The following KCNIP1 variants were observed in gnomAD, a reference collection of about 807,000 sequenced individuals.
The protein encoded by KCNIP1 is A-type potassium channel modulatory protein KCNIP1.
Under a neutral mutation model 33.0 loss-of-function variants are expected in KCNIP1, and 18 were observed. The observed-to-expected ratio is 0.55, with a 90% CI of 0.38 to 0.81. The LOEUF (loss-of-function observed/expected upper bound fraction) is 0.81. KCNIP1 is among the 30% of genes least tolerant of loss of function. KCNIP1 has a pLI of 0.00. For synonymous variants in KCNIP1, 93 were observed against 98.3 expected, an observed-to-expected ratio of 0.95 and a Z score of 0.32; for missense variants, 238 against 271.6, an observed-to-expected ratio of 0.88 and a Z score of 0.87.
At chr5:170,511,941 A>C (rs1441960496) in intron 1 of KCNIP1, among the ~76,000 whole-genome samples, 1 of 152,174 alleles carries the variant, frequency 6.6e-6, no homozygotes, top group Non-Finnish European at 1.5e-5. Flanking sequence ...TCAAGGATAG[A>C]CTGAAGCACC....
chr5:170,671,701 A>C (rs773178554), intron 1 of KCNIP1, among the ~76,000 whole-genome samples: 2 of 152,152 alleles, frequency 1.3e-5, no homozygotes, highest in Non-Finnish European at 2.9e-5. Flanking sequence ...AGCCTGGCTC[A>C]TAATAGATGC....
At chr5:170,707,966 T>C (rs1763316116) in intron 1 of KCNIP1, among the ~76,000 whole-genome samples, 1 of 151,922 alleles carries the variant, frequency 6.6e-6, no homozygotes, top group Non-Finnish European at 1.5e-5. Flanking sequence ...CTGAAAAAAA[T>C]ACGTGGAACA....
At chr5:170,564,129 A>C (rs1757129085) in intron 1 of KCNIP1, among the ~76,000 whole-genome samples, 1 of 152,214 alleles carries the variant, frequency 6.6e-6, no homozygotes, top group Non-Finnish European at 1.5e-5. Flanking sequence ...TCAGAGATGC[A>C]GAAAGAAATC....
rs192292603 is a variant in KCNIP1, at chr5:170,611,388, A to T, written c.61+106755A>T. Among the ~76,000 whole-genome samples the T allele has an allele frequency of 8.5e-5, 13 of 152,304 alleles. No individual in the cohort carries two copies. In the East Asian group the frequency reaches 2.1e-3, roughly 25 times the overall value. On this transcript the variant is annotated intron_variant, in intron 1 of 7. Transcript: ENST00000328939. ...CCCCTGGGCCCCACAGCATCTTCGA[A>T]AGGTGAGGTCAATTCCCATGAAAAG...
chr5:170,379,093 C>A lies in KCNIP1; in HGVS notation c.88+25129C>A, dbSNP rs551029494. 1.1e-4 allele frequency: 132 copies of A among 1,246,366 alleles called. 1 individual carries two copies. In the Middle Eastern group the frequency reaches 1.1e-3, roughly 10 times the overall value. 77.2% of individuals were successfully genotyped at this position (1,246,366 alleles called of 1,614,324 possible). A position where few individuals can be genotyped will look rare whatever the true frequency, so the allele number is the denominator to read the frequency against. On this transcript the variant is annotated intron_variant, in intron 1 of 7. Coordinates refer to the KCNIP1 transcript ENST00000377360. ...TCGGGCCCCTGGATTGGAGTCGGGG[C>A]TTTGGTCTAAAGCTTGGCAGGCCAT...
At chr5:170,421,575 C>T (rs1468260451) in intron 1 of KCNIP1, among the ~76,000 whole-genome samples, 3 of 151,980 alleles carry the variant, frequency 2.0e-5, no homozygotes, top group Non-Finnish European at 2.9e-5. Context: ...GTGTCTTCAC[C>T]GAGGGGTAGG....
chr5:170,434,752 T>C (rs1755821862), intron 1 of KCNIP1, among the ~76,000 whole-genome samples: 1 of 152,092 alleles, frequency 6.6e-6, no homozygotes, highest in African/African-American at 2.4e-5. Flanking sequence ...GTCAGGAGTT[T>C]GAGACCAGCC....
Position 170,527,530 on chromosome 5 carries a change from G to C in KCNIP1, c.61+22897G>C, listed in dbSNP as rs545912445. 4.6e-5 allele frequency among the ~76,000 whole-genome samples: 7 copies of C among 152,064 alleles called. 1 individual carries two copies. In the South Asian group the frequency reaches 1.5e-3, roughly 32 times the overall value. On this transcript the variant is annotated intron_variant, in intron 1 of 7. Coordinates refer to ENST00000328939, the MANE Select transcript of KCNIP1 (RefSeq NM_014592.4). ...AACGGCAATCTATTGTGAGGACCTGGTGTGTGAGCCAAGTGCACCCATCAG... is the reference window on the plus strand; with the variant it reads ...AACGGCAATCTATTGTGAGGACCTGCTGTGTGAGCCAAGTGCACCCATCAG...
chr5:170,569,946 A>G (rs540411839), intron 1 of KCNIP1, among the ~76,000 whole-genome samples: 2 of 152,314 alleles, frequency 1.3e-5, no homozygotes, highest in African/African-American at 4.8e-5. Flanking sequence ...TGAAAAGAGC[A>G]AAGCATCTAG....
chr5:170,517,719 ATGG>A (rs905771439), intron 1 of KCNIP1, among the ~76,000 whole-genome samples: 7 of 149,254 alleles, frequency 4.7e-5, no homozygotes, highest in African/African-American at 1.2e-4. Flanking sequence ...GGTAGTAGTG[ATGG>A]TGGTGATTAT....
chr5:170,606,948 C>T (rs1758944797), intron 1 of KCNIP1, among the ~76,000 whole-genome samples: 1 of 152,090 alleles, frequency 6.6e-6, no homozygotes, highest in South Asian at 2.1e-4. Flanking sequence ...CCAGTATCAA[C>T]CACAGGCTTC....
At chr5:170,353,948 T>C in exon 1 of KCNIP1, 1 of 1,614,180 alleles carries the variant, frequency 6.2e-7, no homozygotes, top group Non-Finnish European at 8.5e-7. Flanking sequence ...AGCTCATCAC[T>C]GGGACCCTCA....
chr5:170,392,032 A>G (rs1754608877), intron 1 of KCNIP1, among the ~76,000 whole-genome samples: 1 of 152,188 alleles, frequency 6.6e-6, no homozygotes, highest in Admixed American at 6.5e-5. Context: ...GTAGAAGGAC[A>G]CAGCACGATG....
chr5:170,596,197 T>C (rs554410286), intron 1 of KCNIP1, among the ~76,000 whole-genome samples: 286 of 152,324 alleles, frequency 1.9e-3, no homozygotes, highest in Middle Eastern at 6.8e-3. Flanking sequence ...TCTAGAAGAA[T>C]AGAATTCCCC....
intron 1 of KCNIP1, chr5:170,378,815 C>A: frequency 6.2e-7 from 1 of 1,614,242 alleles, no homozygotes; most frequent in South Asian, 1.1e-5. Context: ...AGAGGAGGGC[C>A]TGGGGCCCGT....
chr5:170,569,105 A>G (rs1276232152), intron 1 of KCNIP1, among the ~76,000 whole-genome samples: 1 of 152,100 alleles, frequency 6.6e-6, no homozygotes, highest in Non-Finnish European at 1.5e-5. Context: ...GCCCCCTGAA[A>G]CCCTTTTCCA....
At chr5:170,406,917 C>A (rs1755052253) in intron 1 of KCNIP1, among the ~76,000 whole-genome samples, 1 of 152,202 alleles carries the variant, frequency 6.6e-6, no homozygotes, top group African/African-American at 2.4e-5. Context: ...AATAAAAACC[C>A]CAAGAGATGT....
intron 1 of KCNIP1, among the ~76,000 whole-genome samples, chr5:170,651,909 C>T (rs916561132): frequency 3.3e-5 from 5 of 152,136 alleles, no homozygotes; most frequent in Non-Finnish European, 4.4e-5. Context: ...TGTAAGGGCA[C>T]GTGCCACTGT....
intron 1 of KCNIP1, among the ~76,000 whole-genome samples, chr5:170,578,356 G>A (rs902113788): frequency 2.6e-5 from 4 of 152,208 alleles, no homozygotes; most frequent in African/African-American, 7.2e-5. Flanking sequence ...GGTTGGCTCT[G>A]GAGGGACAGA....
Sources: gnomAD v4.1 joint callset for allele counts (sites outside exome capture counted in the v4.1 genomes callset) on GRCh38, gnomAD v4.1.1 for gene constraint, MANE v1.5 for transcripts, NCBI Gene and HGNC (gene_info 2026-07-23, HGNC 2026-07-21) for gene names.